SDS: variants seen among roughly 807,000 people sequenced by gnomAD.
SDS encodes L-serine dehydratase/L-threonine deaminase.
A neutral mutation model predicts 29.3 loss-of-function variants in SDS; 19 were observed. The ratio of observed to expected loss-of-function variants is 0.65; its 90% CI spans 0.45 to 0.95. SDS has a LOEUF of 0.95. Ranked by LOEUF, SDS falls within the 40% of genes least tolerant of loss-of-function variation. The pLI is 0.00. For synonymous variants in SDS, 176 were observed against 189.0 expected, an observed-to-expected ratio of 0.93 and a Z score of 0.56; for missense variants, 375 against 439.9, an observed-to-expected ratio of 0.85 and a Z score of 1.32.
At chr12:113,397,107 C>T in intron 6 of SDS, 58 bp downstream of exon 6, 1 of 1,470,498 alleles carries the variant, frequency 6.8e-7, no homozygotes. Context: ...AAAGCCAGCC[C>T]TAAGGGGGAC....
chr12:113,399,603 G>T lies in SDS; in HGVS notation c.106C>A (p.Pro36Thr). 1 of 1,603,534 alleles carries T rather than the reference G, an allele frequency of 6.2e-7. No homozygotes were observed. The change falls in exon 2 of 8, where the codon CCC becomes ACC. Residue 36 changes from proline to threonine, a missense_variant. Coordinates refer to ENST00000257549, the MANE Select transcript of SDS (RefSeq NM_006843.3). ...SVYLKMDSAQ[P>T]SGSFKIRGIG... ...CCCCGGATCTTGAAGGAGCCGGAGGGCTGGGCACTGTCCATCTTGAGGTAG... is the reference window on the plus strand; with the variant it reads ...CCCCGGATCTTGAAGGAGCCGGAGGTCTGGGCACTGTCCATCTTGAGGTAG...
In SDS at chr12:113,398,711, C is replaced by T. The variant is rs142532688; in HGVS notation, c.329G>A (p.Gly110Asp). 18 of 1,613,982 alleles carry T rather than the reference C, an allele frequency of 1.1e-5. No homozygotes were observed. The African/African-American group carries it at 1.5e-4, about 13-fold the overall frequency. ...TTGCCCTGGGTCGGCACTCACCTCA[C>T]CCACCACCTTGACTGTGGCACCTTC... ...KNEGATVKVV[G>D]ELLDEAFELA... is the part of the protein sequence containing the mutation. The change falls in exon 4 of 8, where the codon GGT (glycine) becomes GAT (aspartate). Residue 110 changes from glycine (G) to aspartate (D), a missense_variant. Physicochemically the swap from Gly to Asp is moderately conservative, Grantham distance 94. Transcript: ENST00000257549.
At chr12:113,399,936 C>T (rs1180985854) in intron 1 of SDS, among the ~76,000 whole-genome samples, 1 of 152,238 alleles carries the variant, frequency 6.6e-6, no homozygotes, top group Non-Finnish European at 1.5e-5. Flanking sequence ...CCCTCCACTC[C>T]TGACCTCTCA....
At chr12:113,397,477 T>A in intron 5 of SDS, 85 bp from the exon 6 acceptor site, 1 of 1,119,652 alleles carries the variant, frequency 8.9e-7, no homozygotes, top group Non-Finnish European at 1.3e-6. Context: ...TTATCCCAGC[T>A]GATGGGGCCT....
chr12:113,392,762 C>T lies in SDS; in HGVS notation c.*179G>A. ...ACACAGATACCAAAAAGGTCCAATT[C>T]ATAGCCTCGCTGGCTGCCGACCTTT... is the stretch of plus-strand genomic sequence containing the variant. On this transcript the variant is annotated 3_prime_UTR_variant, in exon 8 of 8. Coordinates refer to ENST00000257549, the MANE Select transcript of SDS (RefSeq NM_006843.3). The T allele has an allele frequency of 1.4e-6, 1 of 690,036 alleles. No homozygotes were observed. The highest frequency in any genetic ancestry group is 2.5e-5 in the Admixed American group (1 of 39,912). 42.7% of individuals were successfully genotyped at this position (690,036 alleles called of 1,614,324 possible).
intron 1 of SDS, among the ~76,000 whole-genome samples, chr12:113,403,432 G>A (rs1242443547): frequency 6.6e-6 from 1 of 152,118 alleles, no homozygotes; most frequent in Admixed American, 6.5e-5. Flanking sequence ...GCTGAGGCAG[G>A]AGAATCGCTT....
intron 6 of SDS, among the ~76,000 whole-genome samples, chr12:113,395,168 C>A (rs901690876): frequency 6.6e-6 from 1 of 152,178 alleles, no homozygotes; most frequent in African/African-American, 2.4e-5. Flanking sequence ...TCAAGACCTG[C>A]ACTGGTAACC....
rs557263084 is a variant in SDS at position 113,400,969 on chromosome 12, T to C, written c.-2-1259A>G. 1.3e-3 allele frequency among the ~76,000 whole-genome samples: 197 copies of C among 152,170 alleles called. 1 individual carries two copies. Among genetic ancestry groups the C allele is most frequent in the African/African-American group, 4.6e-3 (192 of 41,520 alleles). ...GAGATCGAGACCATCCTGGCTAACA[T>C]GGTGAAACCCCGTCTCTACTAAAAA... On this transcript the variant is annotated intron_variant, in intron 1 of 7. Coordinates refer to ENST00000257549, the MANE Select transcript of SDS (RefSeq NM_006843.3).
At chr12:113,399,244 G>T (rs140791211) in intron 2 of SDS, 93 bp from the exon 3 acceptor site, 3 of 1,318,844 alleles carry the variant, frequency 2.3e-6, no homozygotes, top group South Asian at 1.2e-5. Flanking sequence ...GGATTCCAGT[G>T]GACACGGACG....
chr12:113,396,340 T>TTTTCCTTTCCTTTCC lies in SDS; in HGVS notation c.653+810_653+824dup, dbSNP rs373354943. Among the ~76,000 whole-genome samples the TTTTCCTTTCCTTTCC allele has an allele frequency of 7.9e-5, 11 of 139,012 alleles. 1 individual carries two copies. The highest frequency in any genetic ancestry group is 2.9e-4 in the African/African-American group (11 of 37,516). The allele number at this position is 139,012 out of a possible 152,430, so 91.2% of individuals were successfully genotyped here. On this transcript the variant is annotated intron_variant, in intron 6 of 7. Coordinates refer to ENST00000257549, the MANE Select transcript of SDS (RefSeq NM_006843.3). ...TTCCTTCCTTCCTCCCTCCCTCCCT[T>TTTTCCTTTCCTTTCC]TTTCCTTTCCTTTCCTTTCCTTTCT...
At chr12:113,402,327 C>T (rs1410595030) in intron 1 of SDS, among the ~76,000 whole-genome samples, 1 of 152,220 alleles carries the variant, frequency 6.6e-6, no homozygotes, top group African/African-American at 2.4e-5. Context: ...GAACCTCCCT[C>T]TGTCACCCAG....
At chr12:113,399,075 C>T in intron 3 of SDS, 37 bp downstream of exon 3, 1 of 1,612,882 alleles carries the variant, frequency 6.2e-7, no homozygotes, top group Non-Finnish European at 8.5e-7. Flanking sequence ...TCCCAGGACA[C>T]ACAGCAGAGG....
In SDS at chr12:113,392,914, G is replaced by C; in HGVS notation, c.*27C>G. ...CCTCCAGGGGTCTCTTGGGCTAGGAGAGCACAGATCGGTAAGGGGTCCGTC... is the reference window on the plus strand; with the variant it reads ...CCTCCAGGGGTCTCTTGGGCTAGGACAGCACAGATCGGTAAGGGGTCCGTC... On this transcript the variant is annotated 3_prime_UTR_variant, in exon 8 of 8. Coordinates refer to ENST00000257549, the MANE Select transcript of SDS (RefSeq NM_006843.3). 1 of 1,607,276 alleles carries C rather than the reference G, an allele frequency of 6.2e-7. No homozygotes were observed. Among genetic ancestry groups the C allele is most frequent in the Non-Finnish European group, 8.5e-7 (1 of 1,174,132 alleles).
chr12:113,399,321 C>T, intron 2 of SDS, 170 bp from the exon 3 acceptor site: 1 of 887,264 alleles, frequency 1.1e-6, no homozygotes. Flanking sequence ...AAGAGACTGG[C>T]TCAGGAAAGG....
intron 2 of SDS, 51 bp from the exon 3 acceptor site, chr12:113,399,202 G>A (rs1190457463): frequency 2.5e-6 from 4 of 1,588,756 alleles, no homozygotes; most frequent in Non-Finnish European, 3.5e-6. Flanking sequence ...GTCATTGCCT[G>A]TGCTCTTCCT....
At chr12:113,396,310 C>T (rs1957643229) in intron 6 of SDS, among the ~76,000 whole-genome samples, 1 of 151,658 alleles carries the variant, frequency 6.6e-6, no homozygotes, top group African/African-American at 2.4e-5. Flanking sequence ...TGAGACCTTC[C>T]TTCCTTCCTT....
intron 1 of SDS, among the ~76,000 whole-genome samples, chr12:113,400,259 T>A (rs1215349121): frequency 6.7e-6 from 1 of 150,332 alleles, no homozygotes; most frequent in Non-Finnish European, 1.5e-5. Flanking sequence ...GCCATTGCAC[T>A]CCTGCCTGGG....
At chr12:113,401,974 G>C (rs1301515865) in intron 1 of SDS, among the ~76,000 whole-genome samples, 3 of 152,114 alleles carry the variant, frequency 2.0e-5, no homozygotes, top group African/African-American at 7.2e-5. Flanking sequence ...ACCTTGTCCA[G>C]CCCCCTGTCC....
Position 113,393,882 on chromosome 12 carries a change from T to C in SDS, c.778+10A>G, listed in dbSNP as rs759350101. ...CAGCAGGTCAGGTCATGGGAGGACC[T>C]GGCACATACCCACGAACTTCTCAAT... On this transcript the variant is annotated intron_variant, in intron 7 of 7. Transcript: ENST00000257549. The C allele has an allele frequency of 6.2e-7, 1 of 1,614,186 alleles. No individual in the cohort carries two copies. Among genetic ancestry groups the C allele is most frequent in the Non-Finnish European group, 8.5e-7 (1 of 1,180,024 alleles).
Sources: allele counts gnomAD v4.1 joint callset (sites outside exome capture counted in the v4.1 genomes callset), GRCh38; gene constraint gnomAD v4.1.1; transcripts MANE v1.5; gene names NCBI Gene and HGNC (gene_info 2026-07-23, HGNC 2026-07-21).